LPP: variants seen among roughly 807,000 people sequenced by gnomAD.
The protein encoded by LPP is lipoma-preferred partner.
A neutral mutation model predicts 60.4 loss-of-function variants in LPP; 38 were observed. The ratio of observed to expected loss-of-function variants is 0.63; its 90% CI spans 0.49 to 0.83. The LOEUF (loss-of-function observed/expected upper bound fraction) is 0.83, where lower values mean the gene tolerates loss of function less well. Among genes scored for constraint, LPP ranks in the 40% least tolerant of loss-of-function variants. LPP has a pLI of 0.00. For missense variants in LPP, 902 were observed against 783.6 expected, an observed-to-expected ratio of 1.15 and a Z score of -1.80; for synonymous variants, 328 against 290.8, an observed-to-expected ratio of 1.13 and a Z score of -1.30.
At chr3:188,323,202 C>A (rs1251938873) in intron 2 of LPP, among the ~76,000 whole-genome samples, 1 of 152,150 alleles carries the variant, frequency 6.6e-6, no homozygotes, top group Non-Finnish European at 1.5e-5. Context: ...AGAGAGAGAG[C>A]AGACATAAAA....
chr3:188,669,781 C>CTA (rs201851814), intron 7 of LPP, among the ~76,000 whole-genome samples: 9,146 of 152,210 alleles, frequency 0.06, 900 homozygotes, highest in African/African-American at 0.21. Context: ...ATAAATCATG[C>CTA]TACTATAAAG....
chr3:188,622,569 T>A (rs180811478), intron 7 of LPP, among the ~76,000 whole-genome samples: 40 of 152,310 alleles, frequency 2.6e-4, no homozygotes, highest in African/African-American at 8.9e-4. Context: ...TGCTTTTTTT[T>A]AAGTTTTGAT....
intron 1 of LPP, among the ~76,000 whole-genome samples, chr3:188,169,875 G>T (rs535620087): frequency 6.6e-6 from 1 of 152,298 alleles, no homozygotes; most frequent in South Asian, 2.1e-4. Context: ...TCTGAAAGTT[G>T]TGCACATAGA....
intron 1 of LPP, among the ~76,000 whole-genome samples, chr3:188,220,200 C>G (rs1441433396): frequency 6.6e-6 from 1 of 152,134 alleles, no homozygotes; most frequent in East Asian, 1.9e-4. Context: ...TGGTCTGATT[C>G]TCCCGGTGAG....
chr3:188,816,019 T>A (rs1211735657), intron 9 of LPP, among the ~76,000 whole-genome samples: 1 of 152,166 alleles, frequency 6.6e-6, no homozygotes, highest in Non-Finnish European at 1.5e-5. Context: ...GACTTTAAAA[T>A]TTTTCCTTTA....
chr3:188,164,058 T>G (rs1719198039), intron 1 of LPP, among the ~76,000 whole-genome samples: 2 of 152,202 alleles, frequency 1.3e-5, no homozygotes, highest in Admixed American at 6.5e-5. Flanking sequence ...TTATGAGGGT[T>G]GATAAAATCA....
chr3:188,654,276 T>C (rs1054659102), intron 7 of LPP, among the ~76,000 whole-genome samples: 7 of 152,182 alleles, frequency 4.6e-5, no homozygotes, highest in Admixed American at 2.0e-4. Flanking sequence ...ATGGTGTTGA[T>C]TGAATCTGGC....
chr3:188,530,813 A>G (rs1821984431), intron 6 of LPP, among the ~76,000 whole-genome samples: 1 of 152,228 alleles, frequency 6.6e-6, no homozygotes, highest in Admixed American at 6.5e-5. Context: ...ATGACGTTGT[A>G]ACATCTTTAA....
At chr3:188,833,629 G>A (rs1036019696) in intron 9 of LPP, among the ~76,000 whole-genome samples, 2 of 152,192 alleles carry the variant, frequency 1.3e-5, no homozygotes, top group South Asian at 2.1e-4. Context: ...TGTATCTGAC[G>A]AAAGATTTCA....
intron 7 of LPP, among the ~76,000 whole-genome samples, chr3:188,687,775 C>CTTTTTTTTTTTTTTTTTTTTTTTTTTT (rs61574227): frequency 7.9e-6 from 1 of 127,124 alleles, no homozygotes; most frequent in Admixed American, 8.4e-5. Context: ...GTCTTATACT[C>CTTTTTTTTTTTTTTTTTTTTTTTTTTT]TTTTTTTTTT....
intron 2 of LPP, among the ~76,000 whole-genome samples, chr3:188,276,895 T>C (rs890932555): frequency 2.8e-5 from 1 of 35,508 alleles, no homozygotes; most frequent in African/African-American, 8.6e-5. Context: ...TTTTCTTTTC[T>C]TTTTTTTTTT....
intron 3 of LPP, among the ~76,000 whole-genome samples, chr3:188,405,866 GCTC>G (rs779152603): frequency 5.7e-5 from 6 of 105,966 alleles, no homozygotes; most frequent in Non-Finnish European, 1.2e-4. Flanking sequence ...TTCTCTTCCT[GCTC>G]CTCCTCTTTC....
chr3:188,437,170 T>G (rs533449579), intron 4 of LPP, among the ~76,000 whole-genome samples: 2 of 152,344 alleles, frequency 1.3e-5, no homozygotes, highest in African/African-American at 4.8e-5. Context: ...CTTTCCTAAA[T>G]AACACTTGAT....
chr3:188,590,934 A>G (rs1440849752), intron 6 of LPP, among the ~76,000 whole-genome samples: 1 of 152,220 alleles, frequency 6.6e-6, no homozygotes, highest in African/African-American at 2.4e-5. Context: ...CTAAATTCCC[A>G]GTTTTACTTA....
rs3057931 is a variant in LPP, at chr3:188,758,964, CACTA to C, written c.1241-1148_1241-1145del. Among the ~76,000 whole-genome samples the C allele has an allele frequency of 4.9e-3, 753 of 152,284 alleles. 5 individuals carry two copies. The highest frequency in any genetic ancestry group is 0.017 in the African/African-American group (712 of 41,548). On this transcript the variant is annotated intron_variant, in intron 8 of 11. Transcript: ENST00000617246. ...TAGAAAAAGTCTGACATATGTGAAG[CACTA>C]CATTTGCTATACCTTATCTATCAAA...
chr3:188,718,950 A>G (rs1715213882), intron 8 of LPP, among the ~76,000 whole-genome samples: 1 of 152,226 alleles, frequency 6.6e-6, no homozygotes, highest in Non-Finnish European at 1.5e-5. Context: ...TGTTAGTGAC[A>G]GAGCCACAGA....
At chr3:188,536,228 C>T (rs1032000767) in intron 6 of LPP, among the ~76,000 whole-genome samples, 1 of 152,064 alleles carries the variant, frequency 6.6e-6, no homozygotes, top group African/African-American at 2.4e-5. Flanking sequence ...AGGGTGGCCT[C>T]GAACTCCCGA....
chr3:188,202,704 C>T (rs1321183463), intron 1 of LPP, among the ~76,000 whole-genome samples: 1 of 152,098 alleles, frequency 6.6e-6, no homozygotes, highest in Non-Finnish European at 1.5e-5. Context: ...CAGGTTGGTC[C>T]CTTTTCCTTC....
chr3:188,881,062 C>T lies in LPP; in HGVS notation c.*6583C>T, dbSNP rs1400539221. ...GGCTGAGGCAGGAGAATGGCGTGAA[C>T]CCGGGAAGCGGAGCTTTCAGTGAGC... On this transcript the variant is annotated 3_prime_UTR_variant, in exon 12 of 12. Coordinates refer to ENST00000617246, the MANE Select transcript of LPP (RefSeq NM_001375462.1). The T allele has an allele frequency of 1.3e-5, 2 of 154,872 alleles. No individual in the cohort carries two copies. Among genetic ancestry groups the T allele is most frequent in the Non-Finnish European group, 2.8e-5 (2 of 71,810 alleles). 9.6% of individuals were successfully genotyped at this position (154,872 alleles called of 1,614,324 possible).
Sources: allele counts gnomAD v4.1 joint callset (sites outside exome capture counted in the v4.1 genomes callset), GRCh38; gene constraint gnomAD v4.1.1; transcripts MANE v1.5; gene names NCBI Gene and HGNC (gene_info 2026-07-23, HGNC 2026-07-21).